CPSF3: variants seen among roughly 807,000 people sequenced by gnomAD.
CPSF3 encodes the protein cleavage and polyadenylation specificity factor subunit 3.
CPSF3 carries 57 observed loss-of-function variants against 84.1 expected under a neutral mutation model. The observed-to-expected ratio is 0.68, with a 90% CI of 0.55 to 0.85. CPSF3 has a LOEUF of 0.85. CPSF3 is among the 40% of genes least tolerant of loss of function. The pLI, the probability that CPSF3 is intolerant of heterozygous loss-of-function variation, is 0.00. For synonymous variants in CPSF3, 275 were observed against 278.1 expected, an observed-to-expected ratio of 0.99 and a Z score of 0.11; for missense variants, 522 against 838.8, an observed-to-expected ratio of 0.62 and a Z score of 4.66.
At chr2:9,433,986 A>G (rs1223955770) in intron 6 of CPSF3, 26 bp downstream of exon 6, 1 of 1,306,828 alleles carries the variant, frequency 7.7e-7, no homozygotes, top group Non-Finnish European at 1.1e-6. Context: ...CTATATTGTA[A>G]TCAATGTAAT....
At chr2:9,443,374 C>A in intron 9 of CPSF3, 141 bp from the exon 10 acceptor site, 3 of 700,048 alleles carry the variant, frequency 4.3e-6, no homozygotes, top group East Asian at 2.8e-5. Flanking sequence ...TTGATATTTA[C>A]TGAGTCAGTT....
At chr2:9,439,620 C>G (rs1234427828) in intron 7 of CPSF3, among the ~76,000 whole-genome samples, 2 of 152,108 alleles carry the variant, frequency 1.3e-5, no homozygotes, top group African/African-American at 2.4e-5. Flanking sequence ...GGGCTTTTCC[C>G]TTAACATAAG....
intron 15 of CPSF3, among the ~76,000 whole-genome samples, chr2:9,464,220 A>G (rs1278083718): frequency 6.6e-6 from 1 of 152,138 alleles, no homozygotes; most frequent in Non-Finnish European, 1.5e-5. Context: ...TGTTTTCAGC[A>G]TGTGTGTGTC....
intron 10 of CPSF3, among the ~76,000 whole-genome samples, chr2:9,446,351 C>A (rs540847340): frequency 6.6e-6 from 1 of 151,866 alleles, no homozygotes; most frequent in Non-Finnish European, 1.5e-5. Context: ...GAGGCCAAGG[C>A]GAGCAGATCA....
In CPSF3 at chr2:9,437,012, TAAATATAGCA is replaced by T. The variant is rs1267421300; in HGVS notation, c.760+652_760+661del. Among the ~76,000 whole-genome samples, 3 of 152,262 alleles carry T rather than the reference TAAATATAGCA, an allele frequency of 2.0e-5. No individual in the cohort carries two copies. The East Asian group carries it at 5.8e-4, about 29-fold the overall frequency. ...TAGTATTTTCAAAGAAATATGTGAG[TAAATATAGCA>T]TTGTAGGAAAAAATTGTGTTACAGA... On this transcript the variant is annotated intron_variant, in intron 7 of 17. Transcript: ENST00000238112.
chr2:9,466,922 C>T (rs550663647), intron 15 of CPSF3, among the ~76,000 whole-genome samples: 227 of 152,260 alleles, frequency 1.5e-3, no homozygotes, highest in Non-Finnish European at 2.7e-3. Context: ...ATGGATACTT[C>T]GGTTGTTTCT....
chr2:9,467,677 T>C, intron 15 of CPSF3, 30 bp from the exon 16 acceptor site: 1 of 1,545,174 alleles, frequency 6.5e-7, no homozygotes, highest in Non-Finnish European at 8.9e-7. Flanking sequence ...ATTTAGAAAC[T>C]GAACTCTCTG....
intron 14 of CPSF3, among the ~76,000 whole-genome samples, chr2:9,459,313 C>T (rs1681642435): frequency 6.6e-6 from 1 of 152,006 alleles, no homozygotes; most frequent in Admixed American, 6.6e-5. Context: ...AACACTGTGT[C>T]GAAAGGAAGT....
At position 9,429,949 on chromosome 2, in the gene CPSF3, A is replaced by C. The variant is rs972043584; in HGVS notation, c.141A>C (p.Leu47=). 6.2e-7 allele frequency: 1 copy of C among 1,601,682 alleles called. No individual in the cohort carries two copies. Among genetic ancestry groups the C allele is most frequent in the Non-Finnish European group, 8.5e-7 (1 of 1,175,520 alleles). The change falls in exon 3 of 18, where the codon CTA becomes CTC. Residue 47 remains leucine, a synonymous_variant. Coordinates refer to ENST00000238112, the MANE Select transcript of CPSF3 (RefSeq NM_016207.4). ...TCGACTGTGGGATCCACCCTGGCCT[A>C]GAAGGAATGGATGCTCTTCCTTATA... is the stretch of plus-strand genomic sequence containing the variant. ...IMLDCGIHPG[L]EGMDALPYID... is the part of the protein sequence containing the mutation.
In CPSF3 at chr2:9,467,758, G is replaced by A. The variant is rs776096404; in HGVS notation, c.1838G>A (p.Arg613Lys). The change falls in exon 16 of 18, where the codon AGG becomes AAG. Residue 613 changes from arginine to lysine, a missense_variant. By Grantham distance (26) the Arg-to-Lys change is conservative. This residue lies in a region of CPSF3 where 193 missense variants were observed against 231.6 expected (regional missense o/e 0.83). Coordinates refer to ENST00000238112, the MANE Select transcript of CPSF3 (RefSeq NM_016207.4). Reference sequence around the variant, plus strand: ...TTAGAAATGCACGTTTACAGCAAGAGGTTGGAGATCATGCTCCAGTAAGTT... The same window carrying A: ...TTAGAAATGCACGTTTACAGCAAGAAGTTGGAGATCATGCTCCAGTAAGTT... ...KKLEMHVYSK[R>K]LEIMLQDIFG... The A allele has an allele frequency of 3.7e-6, 6 of 1,612,746 alleles. No homozygotes were observed. The African/African-American group carries it at 5.3e-5, about 14-fold the overall frequency.
chr2:9,436,303 C>A lies in CPSF3; in HGVS notation c.702C>A (p.Gly234=), dbSNP rs772543701. 1 of 1,613,910 alleles carries A rather than the reference C, an allele frequency of 6.2e-7. No homozygotes were observed. Among genetic ancestry groups the A allele is most frequent in the Non-Finnish European group, 8.5e-7 (1 of 1,179,876 alleles). Residue 234 remains glycine (G), a synonymous_variant, in exon 7 of 18, where the codon GGC becomes GGA. Transcript: ENST00000238112. ...NTVHDIVNRG[G]RGLIPVFALG... ...TCCACGATATTGTAAACAGAGGAGGCAGGGGTCTCATTCCTGTCTTTGCTC... is the reference window on the plus strand; with the variant it reads ...TCCACGATATTGTAAACAGAGGAGGAAGGGGTCTCATTCCTGTCTTTGCTC...
chr2:9,472,330 A>C (rs928002620), intron 17 of CPSF3, among the ~76,000 whole-genome samples: 1 of 152,060 alleles, frequency 6.6e-6, no homozygotes, highest in Admixed American at 6.6e-5. Context: ...AAAAAAAAAA[A>C]AAAAAAGAAG....
At position 9,448,559 on chromosome 2, in the gene CPSF3, T is replaced by TG. The variant is rs1225438710; in HGVS notation, c.1395+209_1395+210insG. ...GAAAATGTTCAGCTAGATTAGATTT[T>TG]TTGTGTGTGTGTGTGTGAGACGGAG... On this transcript the variant is annotated intron_variant, in intron 11 of 17. Transcript: ENST00000238112. Among the ~76,000 whole-genome samples the TG allele has an allele frequency of 9.5e-5, 14 of 148,148 alleles. No homozygotes were observed. The South Asian group carries it at 1.3e-3, about 13-fold the overall frequency.
intron 10 of CPSF3, among the ~76,000 whole-genome samples, chr2:9,444,516 G>T (rs1038646305): frequency 2.0e-5 from 3 of 152,096 alleles, no homozygotes; most frequent in African/African-American, 4.8e-5. Flanking sequence ...GCTGAAAAAA[G>T]TGTGTATTTT....
intron 7 of CPSF3, among the ~76,000 whole-genome samples, chr2:9,437,645 T>C (rs1680831256): frequency 1.3e-5 from 2 of 152,238 alleles, no homozygotes; most frequent in African/African-American, 4.8e-5. Context: ...TGATCCCTTC[T>C]ACCTCACATT....
chr2:9,440,929 C>T (rs1039861411), intron 8 of CPSF3, among the ~76,000 whole-genome samples: 7 of 152,250 alleles, frequency 4.6e-5, no homozygotes, highest in African/African-American at 1.7e-4. Flanking sequence ...CTTACCGCTT[C>T]TCAACAGGTG....
chr2:9,430,974 C>T, intron 4 of CPSF3, 94 bp downstream of exon 4: 3 of 884,848 alleles, frequency 3.4e-6, no homozygotes, highest in Non-Finnish European at 5.3e-6. Flanking sequence ...ATGAGGTGCT[C>T]CCTTTTCATG....
intron 15 of CPSF3, among the ~76,000 whole-genome samples, chr2:9,465,204 T>G (rs1399507389): frequency 6.6e-6 from 1 of 152,120 alleles, no homozygotes; most frequent in Non-Finnish European, 1.5e-5. Context: ...AAAGTCATAG[T>G]GTTACATGAG....
At position 9,445,854 on chromosome 2, in the gene CPSF3, C is replaced by T. The variant is rs532653272; in HGVS notation, c.1242+2193C>T. Among the ~76,000 whole-genome samples, 65 of 152,334 alleles carry T rather than the reference C, an allele frequency of 4.3e-4. No individual in the cohort carries two copies. The Middle Eastern group carries it at 0.01, about 24-fold the overall frequency. On this transcript the variant is annotated intron_variant, in intron 10 of 17. Transcript: ENST00000238112. ...AAAGTATAGCTGCAGGATAAAATTG[C>T]AATACTAGTAGTGTTGGTGGTAGTA...
Sources: allele counts gnomAD v4.1 joint callset (sites outside exome capture counted in the v4.1 genomes callset), GRCh38; gene constraint gnomAD v4.1.1; regional missense constraint gnomAD v4.1.1; transcripts MANE v1.5; gene names NCBI Gene and HGNC (gene_info 2026-07-23, HGNC 2026-07-21).